DENND4A: variants seen among roughly 807,000 people sequenced by gnomAD.
The protein encoded by DENND4A is C-myc promoter-binding protein.
A neutral mutation model predicts 199.3 loss-of-function variants in DENND4A; 70 were observed. That is an observed-to-expected ratio of 0.35 (90% CI 0.29 to 0.43). The LOEUF (loss-of-function observed/expected upper bound fraction) is 0.43, where lower values mean the gene tolerates loss of function less well. Ranked by LOEUF, DENND4A falls within the 20% of genes least tolerant of loss-of-function variation. The probability of loss-of-function intolerance (pLI) is 1.00; values close to 1 mark genes in which losing one functional copy is unlikely to be tolerated. For missense variants in DENND4A, 1,723 were observed against 2,255.8 expected, an observed-to-expected ratio of 0.76 and a Z score of 4.78; for synonymous variants, 686 against 766.9, an observed-to-expected ratio of 0.89 and a Z score of 1.74.
At position 65,660,292 on chromosome 15, in the gene DENND4A, G is replaced by A. The variant is rs1406451015; in HGVS notation, c.*1559C>T. On this transcript the variant is annotated 3_prime_UTR_variant, in exon 33 of 33. Transcript: ENST00000443035. ...ATTATTTCCCAGAGTTGGAAGCTGT[G>A]AAATGTTTCAGCATGGTGCTATTCA... is the stretch of plus-strand genomic sequence containing the variant. 6.5e-7 allele frequency: 1 copy of A among 1,535,318 alleles called. No homozygotes were observed. Among genetic ancestry groups the A allele is most frequent in the Non-Finnish European group, 8.7e-7 (1 of 1,146,588 alleles).
intron 2 of DENND4A, among the ~76,000 whole-genome samples, chr15:65,758,643 C>T (rs1437325940): frequency 6.6e-6 from 1 of 152,124 alleles, no homozygotes; most frequent in Non-Finnish European, 1.5e-5. Context: ...GAATACATTC[C>T]ACAGTACCAT....
Position 65,764,380 on chromosome 15 carries a change from C to T in DENND4A, c.-101-2942G>A, listed in dbSNP as rs559857485. Among the ~76,000 whole-genome samples, 5 of 152,248 alleles carry T rather than the reference C, an allele frequency of 3.3e-5. No individual in the cohort carries two copies. In the South Asian group the frequency reaches 1.0e-3, roughly 32 times the overall value. The stretch of plus-strand genomic sequence containing the variant: ...GCATGGTAGCTCACGCCTATAACCC[C>T]AGCACTCTGGGAGGCAGAGGTGGGA... On this transcript the variant is annotated intron_variant, in intron 1 of 32. Transcript: ENST00000443035.
chr15:65,681,890 T>G (rs775363557), intron 23 of DENND4A, among the ~76,000 whole-genome samples: 4 of 152,210 alleles, frequency 2.6e-5, no homozygotes, highest in Non-Finnish European at 4.4e-5. Context: ...TTGGAGCTCT[T>G]GCATGACTAG....
chr15:65,730,725 T>C (rs2075933295), intron 9 of DENND4A, among the ~76,000 whole-genome samples: 1 of 152,002 alleles, frequency 6.6e-6, no homozygotes, highest in Non-Finnish European at 1.5e-5. Flanking sequence ...ATGAGTATGT[T>C]AGAGATGGGA....
chr15:65,731,557 T>G, intron 9 of DENND4A, 85 bp downstream of exon 9: 3 of 1,011,368 alleles, frequency 3.0e-6, no homozygotes, highest in Admixed American at 2.3e-5. Context: ...TCCATCAATA[T>G]TTGAAATTTT....
intron 1 of DENND4A, among the ~76,000 whole-genome samples, chr15:65,787,232 C>G (rs2077588595): frequency 6.6e-6 from 1 of 152,020 alleles, no homozygotes; most frequent in East Asian, 1.9e-4. Context: ...CATTTGAAAA[C>G]AAAAACAGCT....
chr15:65,760,386 T>A lies in DENND4A; in HGVS notation c.-23+974A>T, dbSNP rs149989400. On this transcript the variant is annotated intron_variant, in intron 2 of 32. Coordinates refer to ENST00000443035, the MANE Select transcript of DENND4A (RefSeq NM_001320835.1). ...GGTGGCGCACGCCTGTAATCCCAGC[T>A]ACTCAGGAGGCTGAGGCAGGGGAAT... 6.3e-3 allele frequency among the ~76,000 whole-genome samples: 951 copies of A among 152,156 alleles called. 15 individuals are homozygous for A. Among genetic ancestry groups the A allele is most frequent in the African/African-American group, 0.022 (914 of 41,508 alleles).
chr15:65,676,061 T>C (rs2076364616), intron 24 of DENND4A, among the ~76,000 whole-genome samples: 1 of 149,854 alleles, frequency 6.7e-6, no homozygotes, highest in Admixed American at 6.7e-5. Context: ...TCAGAGTATA[T>C]TAAGTGAAAA....
chr15:65,772,059 TG>T, intron 1 of DENND4A: 1 of 1,281,658 alleles, frequency 7.8e-7, no homozygotes, highest in Non-Finnish European at 1.1e-6. Flanking sequence ...CAGGAAACGC[TG>T]GGCCTTCTCG....
chr15:65,696,791 A>G, intron 21 of DENND4A: 1 of 265,624 alleles, frequency 3.8e-6, no homozygotes, highest in Non-Finnish European at 7.4e-6. Context: ...GGGTAAATAT[A>G]ATCACAATCC....
intron 2 of DENND4A, among the ~76,000 whole-genome samples, chr15:65,758,951 T>C (rs1364047129): frequency 1.3e-5 from 2 of 152,090 alleles, no homozygotes; most frequent in South Asian, 2.1e-4. Flanking sequence ...CCTAAGAAAA[T>C]GCTAGTTTAC....
intron 7 of DENND4A, among the ~76,000 whole-genome samples, chr15:65,735,508 T>A (rs961696363): frequency 6.6e-6 from 1 of 152,234 alleles, no homozygotes; most frequent in East Asian, 1.9e-4. Flanking sequence ...TGACTTACTA[T>A]GAATCAAGGC....
chr15:65,662,176 A>G (rs1371245020), intron 32 of DENND4A, among the ~76,000 whole-genome samples, 189 bp from the exon 33 acceptor site: 2 of 152,226 alleles, frequency 1.3e-5, no homozygotes, highest in South Asian at 2.1e-4. Context: ...GAAAATGCCA[A>G]TTTTTAATTT....
chr15:65,745,143 A>C (rs1229729727), intron 4 of DENND4A, among the ~76,000 whole-genome samples: 2 of 152,222 alleles, frequency 1.3e-5, no homozygotes, highest in Non-Finnish European at 2.9e-5. Context: ...TATTTTATCA[A>C]GAAATGACAA....
chr15:65,701,019 T>C, intron 19 of DENND4A, 32 bp downstream of exon 19: 1 of 1,567,230 alleles, frequency 6.4e-7, no homozygotes, highest in Non-Finnish European at 8.6e-7. Context: ...CAATTAATTT[T>C]GAAGAACAAG....
intron 25 of DENND4A, among the ~76,000 whole-genome samples, chr15:65,670,400 T>TA (rs34285463): frequency 6.6e-6 from 1 of 152,244 alleles, no homozygotes; most frequent in Non-Finnish European, 1.5e-5. Context: ...AACTTGCTTT[T>TA]AAGTGAGGAT....
intron 32 of DENND4A, among the ~76,000 whole-genome samples, chr15:65,663,602 G>A (rs2075944924): frequency 6.6e-6 from 1 of 152,054 alleles, no homozygotes. Context: ...GCCCCTGGTA[G>A]CATTACCCTG....
At chr15:65,765,978 C>T (rs1313182926) in intron 1 of DENND4A, among the ~76,000 whole-genome samples, 2 of 152,174 alleles carry the variant, frequency 1.3e-5, no homozygotes, top group African/African-American at 4.8e-5. Context: ...AAGCCGGGCG[C>T]GGTGGCTCAC....
intron 29 of DENND4A, among the ~76,000 whole-genome samples, chr15:65,666,744 A>C (rs1210885300): frequency 6.8e-6 from 1 of 147,626 alleles, no homozygotes; most frequent in Non-Finnish European, 1.5e-5. Flanking sequence ...ACACCACTGC[A>C]CTCCAGTCTG....
Sources: allele counts gnomAD v4.1 joint callset (sites outside exome capture counted in the v4.1 genomes callset), GRCh38; gene constraint gnomAD v4.1.1; transcripts MANE v1.5; gene names NCBI Gene and HGNC (gene_info 2026-07-23, HGNC 2026-07-21).